Variants in ERI1 observed in about 807,000 individuals in gnomAD.
ERI1 encodes the protein 3'-5' exoribonuclease 1.
In ERI1, 39 loss-of-function variants were observed where a neutral mutation model predicts 39.7. That is an observed-to-expected ratio of 0.98 (90% confidence interval 0.76 to 1.28). The LOEUF is 1.28. Ranked by LOEUF, ERI1 falls within the 50% of genes most tolerant of loss-of-function variation. ERI1 has a pLI of 0.00. For synonymous variants in ERI1, 204 were observed against 149.6 expected, an observed-to-expected ratio of 1.36 and a Z score of -2.65; for missense variants, 581 against 416.9, an observed-to-expected ratio of 1.39 and a Z score of -3.43.
intron 6 of ERI1, among the ~76,000 whole-genome samples, chr8:9,023,512 C>T (rs73662279): frequency 6.6e-6 from 1 of 151,964 alleles, no homozygotes; most frequent in African/African-American, 2.4e-5. Flanking sequence ...CAATAAAATG[C>T]TCCCTCCTTT....
chr8:9,037,926 T>G (rs566985857), downstream of ERI1, among the ~76,000 whole-genome samples: 1 of 151,794 alleles, frequency 6.6e-6, no homozygotes, highest in Non-Finnish European at 1.5e-5. Context: ...CCAAGTATCT[T>G]TGGCCTTGAA....
chr8:9,091,747 A>G (rs1462107730), intron 3 of ERI1, among the ~76,000 whole-genome samples: 2 of 152,198 alleles, frequency 1.3e-5, no homozygotes, highest in Non-Finnish European at 2.9e-5. Context: ...GCACTTAAGA[A>G]CAAATTATTC....
At chr8:9,058,047 C>G (rs1438817877) in intron 3 of ERI1, among the ~76,000 whole-genome samples, 2 of 152,196 alleles carry the variant, frequency 1.3e-5, no homozygotes, top group African/African-American at 4.8e-5. Context: ...AGTTTTCAGC[C>G]ACAAGAGTGA....
intron 2 of ERI1, among the ~76,000 whole-genome samples, chr8:9,010,053 G>A (rs1430931): frequency 6.6e-6 from 1 of 152,178 alleles, no homozygotes; most frequent in Non-Finnish European, 1.5e-5. Flanking sequence ...TCGAAGTGTT[G>A]TGGTAATGGA....
At chr8:9,052,455 C>T (rs1798389198) in intron 3 of ERI1, among the ~76,000 whole-genome samples, 1 of 152,288 alleles carries the variant, frequency 6.6e-6, no homozygotes, top group South Asian at 2.1e-4. Flanking sequence ...TCGCCTAGAG[C>T]ACTGAGTCTC....
chr8:9,016,539 T>A (rs1376985548), intron 4 of ERI1, 134 bp downstream of exon 4: 5 of 430,766 alleles, frequency 1.2e-5, no homozygotes, highest in Admixed American at 4.4e-5. Context: ...TCTTTCATGT[T>A]GTAATAATTA....
At position 9,032,593 on chromosome 8, in the gene ERI1, C is replaced by G. The variant is rs1012844085; in HGVS notation, c.*2559C>G. 2.6e-5 allele frequency: 4 copies of G among 152,154 alleles called. No homozygotes were observed. The highest frequency in any genetic ancestry group is 1.9e-4 in the East Asian group (1 of 5,204). The allele number at this position is 152,154 out of a possible 1,614,324, so 9.4% of individuals were successfully genotyped here. On this transcript the variant is annotated 3_prime_UTR_variant, in exon 7 of 7. Transcript: ENST00000250263. ...TTGAAACAAAAAAACACAGGCGTCA[C>G]AAGCATGTTACCTATTAAGAGAGAG... is the stretch of plus-strand genomic sequence containing the variant.
In ERI1 at chr8:9,018,305, A is replaced by G. The variant is rs202018684; in HGVS notation, c.591A>G (p.Val197=). ...ISLTGITQDQ[V]DRADTFPQVL... ...TACTTTTATATCCTCAGGATCAGGT[A>G]GACAGAGCTGATACCTTCCCTCAGG... The change falls in exon 5 of 7, where the codon GTA becomes GTG. Residue 197 remains valine, a synonymous_variant. Transcript: ENST00000250263. 1.2e-6 allele frequency: 2 copies of G among 1,606,344 alleles called. No homozygotes were observed. Among genetic ancestry groups the G allele is most frequent in the Non-Finnish European group, 1.7e-6 (2 of 1,173,676 alleles).
chr8:9,028,105 G>GT (rs1196862740), intron 6 of ERI1, among the ~76,000 whole-genome samples: 1 of 152,216 alleles, frequency 6.6e-6, no homozygotes, highest in Non-Finnish European at 1.5e-5. Flanking sequence ...GAGTTGGGAA[G>GT]TATTTCTTCT....
chr8:9,072,222 G>T (rs979848143), intron 3 of ERI1, among the ~76,000 whole-genome samples: 1 of 152,112 alleles, frequency 6.6e-6, no homozygotes, highest in African/African-American at 2.4e-5. Context: ...TTACCTCATA[G>T]CCCTGTGAGG....
intron 3 of ERI1, among the ~76,000 whole-genome samples, chr8:9,039,081 G>A (rs548761834): frequency 3.5e-4 from 54 of 152,150 alleles, no homozygotes; most frequent in African/African-American, 1.3e-3. Context: ...GAATTTACTC[G>A]TTCTTATATT....
At chr8:9,072,690 C>G (rs1414694863) in intron 3 of ERI1, among the ~76,000 whole-genome samples, 1 of 152,134 alleles carries the variant, frequency 6.6e-6, no homozygotes, top group Non-Finnish European at 1.5e-5. Context: ...CCATCTCACT[C>G]CGCCACTATT....
intron 3 of ERI1, among the ~76,000 whole-genome samples, chr8:9,087,192 C>T (rs983935069): frequency 2.6e-5 from 4 of 151,580 alleles, no homozygotes; most frequent in Admixed American, 6.6e-5. Context: ...TAATGCTCTC[C>T]CTCCCCTTGC....
chr8:9,017,728 G>A (rs13250919), intron 4 of ERI1, among the ~76,000 whole-genome samples: 22,065 of 152,166 alleles, frequency 0.15, 1,761 homozygotes, highest in African/African-American at 0.18. Context: ...GGATGGTTCA[G>A]ATGTGTATGG....
chr8:9,087,258 T>C (rs977389247), intron 3 of ERI1, among the ~76,000 whole-genome samples: 4 of 151,486 alleles, frequency 2.6e-5, no homozygotes, highest in African/African-American at 9.7e-5. Flanking sequence ...TATTTATTTA[T>C]TTTTGAGATG....
intron 3 of ERI1, among the ~76,000 whole-genome samples, chr8:9,046,154 G>A (rs1044805426): frequency 6.6e-6 from 1 of 152,192 alleles, no homozygotes; most frequent in East Asian, 1.9e-4. Context: ...CCGCTGCTGG[G>A]CCATCAGCCA....
intron 3 of ERI1, among the ~76,000 whole-genome samples, chr8:9,092,710 A>T (rs1799746726): frequency 6.6e-6 from 1 of 152,230 alleles, no homozygotes; most frequent in Non-Finnish European, 1.5e-5. Flanking sequence ...ATGCTTCTTC[A>T]TACCCTGAGT....
At chr8:9,020,696 C>G (rs1166198067) in intron 6 of ERI1, among the ~76,000 whole-genome samples, 1 of 152,132 alleles carries the variant, frequency 6.6e-6, no homozygotes, top group Non-Finnish European at 1.5e-5. Context: ...AAGTTTGAAA[C>G]TGTAGGGGCA....
chr8:9,065,267 G>C (rs909860577), intron 3 of ERI1, among the ~76,000 whole-genome samples: 3 of 152,210 alleles, frequency 2.0e-5, no homozygotes, highest in Non-Finnish European at 4.4e-5. Context: ...AGATTGTTTA[G>C]TTGTTTTTGC....
Sources: gnomAD v4.1 joint callset for allele counts (sites outside exome capture counted in the v4.1 genomes callset) on GRCh38, gnomAD v4.1.1 for gene constraint, MANE v1.5 for transcripts, NCBI Gene and HGNC (gene_info 2026-07-23, HGNC 2026-07-21) for gene names.